Variants in HOMER1 observed in about 807,000 individuals in gnomAD.
HOMER1 encodes homer protein homolog 1.
A neutral mutation model predicts 48.9 loss-of-function variants in HOMER1; 3 were observed. The ratio of observed to expected loss-of-function variants is 0.06; its 90% CI spans 0.03 to 0.16. HOMER1 has a LOEUF of 0.16. Ranked by LOEUF, HOMER1 falls within the 10% of genes least tolerant of loss-of-function variation. The pLI is 1.00. For synonymous variants in HOMER1, 134 were observed against 146.4 expected, an observed-to-expected ratio of 0.92 and a Z score of 0.61; for missense variants, 247 against 411.4, an observed-to-expected ratio of 0.60 and a Z score of 3.46.
At chr5:79,481,631 C>T (rs954313218) in intron 1 of HOMER1, among the ~76,000 whole-genome samples, 1 of 152,180 alleles carries the variant, frequency 6.6e-6, no homozygotes, top group Non-Finnish European at 1.5e-5. Flanking sequence ...TCAGTACATA[C>T]CTTTGTCAAG....
At position 79,513,143 on chromosome 5, in the gene HOMER1, C is replaced by T. The variant is rs368714121; in HGVS notation, c.-369G>A. Reference sequence around the variant, plus strand: ...CATTTCACTCATGTCCTCCTCGACACTCAGGGAGAGCCAGGTAACTCGGCC... The same window carrying T: ...CATTTCACTCATGTCCTCCTCGACATTCAGGGAGAGCCAGGTAACTCGGCC... On this transcript the variant is annotated 5_prime_UTR_variant, in exon 1 of 9. It adds an upstream start codon to the 5' untranslated region. Transcript: ENST00000334082. 3.4e-5 allele frequency: 8 copies of T among 232,934 alleles called. No homozygotes were observed. In the East Asian group the frequency reaches 6.6e-4, roughly 19 times the overall value. 14.4% of individuals were successfully genotyped at this position (232,934 alleles called of 1,614,324 possible). A position where few individuals can be genotyped will look rare whatever the true frequency, so the allele number is the denominator to read the frequency against.
intron 5 of HOMER1, among the ~76,000 whole-genome samples, chr5:79,404,807 G>A (rs142121530): frequency 1.2e-3 from 188 of 151,778 alleles, no homozygotes; most frequent in African/African-American, 4.2e-3. Flanking sequence ...AGGTTCAAGC[G>A]ATTCTCCTGC....
In HOMER1 at chr5:79,373,394, G is replaced by A. The variant is rs1247570689; in HGVS notation, c.*2615C>T. Reference sequence around the variant, plus strand: ...TGGGATCAACCTCCTCCTCCATGTCGCTTCAAGTCCACATGTTCAGGCTAT... The same window carrying A: ...TGGGATCAACCTCCTCCTCCATGTCACTTCAAGTCCACATGTTCAGGCTAT... On this transcript the variant is annotated 3_prime_UTR_variant, in exon 9 of 9. Transcript: ENST00000334082. The A allele has an allele frequency of 6.6e-6, 1 of 150,430 alleles. No homozygotes were observed. The highest frequency in any genetic ancestry group is 1.5e-5 in the Non-Finnish European group (1 of 67,716). 9.3% of individuals were successfully genotyped at this position (150,430 alleles called of 1,614,324 possible). A position where few individuals can be genotyped will look rare whatever the true frequency, so the allele number is the denominator to read the frequency against.
intron 5 of HOMER1, among the ~76,000 whole-genome samples, chr5:79,417,301 T>C (rs932978579): frequency 3.3e-5 from 5 of 152,058 alleles, no homozygotes; most frequent in Non-Finnish European, 4.4e-5. Flanking sequence ...TGCCACCACG[T>C]CCGGCTAATG....
intron 5 of HOMER1, among the ~76,000 whole-genome samples, chr5:79,428,132 T>C (rs1193176729): frequency 2.6e-5 from 4 of 152,312 alleles, no homozygotes; most frequent in East Asian, 1.9e-4. Context: ...CAATTAGCTT[T>C]TAAGAAATAA....
chr5:79,449,071 G>A (rs149173038), intron 3 of HOMER1, among the ~76,000 whole-genome samples: 317 of 152,244 alleles, frequency 2.1e-3, no homozygotes, highest in Non-Finnish European at 3.1e-3. Flanking sequence ...ACATTAGCTA[G>A]CTGCTCAGTA....
At chr5:79,401,341 T>C (rs1242661778) in intron 6 of HOMER1, among the ~76,000 whole-genome samples, 1 of 152,058 alleles carries the variant, frequency 6.6e-6, no homozygotes, top group Non-Finnish European at 1.5e-5. Flanking sequence ...AGAGTACTTA[T>C]TATTCCTATT....
At chr5:79,495,377 G>A (rs1284540605) in intron 1 of HOMER1, among the ~76,000 whole-genome samples, 5 of 152,186 alleles carry the variant, frequency 3.3e-5, no homozygotes, top group African/African-American at 1.2e-4. Flanking sequence ...TTATTTGTTT[G>A]TTAAGGCTCA....
intron 1 of HOMER1, among the ~76,000 whole-genome samples, chr5:79,498,914 C>G (rs1313597753): frequency 2.0e-5 from 3 of 150,526 alleles, no homozygotes; most frequent in Non-Finnish European, 2.9e-5. Context: ...CGGCCCATTG[C>G]AATCTCCACC....
In HOMER1 at chr5:79,397,336, C is replaced by G. The variant is rs572854496; in HGVS notation, c.795+191G>C. Reference sequence around the variant, plus strand: ...GTATCTCGGTCTGACTGCCTCACCACAGTTCATAATAACAGAAATAAGGAT... The same window carrying G: ...GTATCTCGGTCTGACTGCCTCACCAGAGTTCATAATAACAGAAATAAGGAT... On this transcript the variant is annotated intron_variant, in intron 7 of 8. Transcript: ENST00000334082. 2.1e-4 allele frequency among the ~76,000 whole-genome samples: 32 copies of G among 152,076 alleles called. 1 individual carries two copies. Among genetic ancestry groups the G allele is most frequent in the Non-Finnish European group, 5.9e-5 (4 of 68,010 alleles).
At chr5:79,401,831 T>G in intron 6 of HOMER1, 68 bp downstream of exon 6, 1 of 1,473,898 alleles carries the variant, frequency 6.8e-7, no homozygotes. Context: ...TGAATCTACA[T>G]GCAAATTTCT....
chr5:79,457,040 G>C, intron 1 of HOMER1, 22 bp from the exon 2 acceptor site: 1 of 1,612,720 alleles, frequency 6.2e-7, no homozygotes, highest in Non-Finnish European at 8.5e-7. Context: ...AAAAGAAAAT[G>C]ATGGACTGAA....
At chr5:79,483,753 TAAAA>T (rs70975754) in intron 1 of HOMER1, among the ~76,000 whole-genome samples, 2 of 133,878 alleles carry the variant, frequency 1.5e-5, no homozygotes, top group Admixed American at 7.4e-5. Flanking sequence ...ACCGTTTAAG[TAAAA>T]AAAAAAAAAA....
intron 5 of HOMER1, among the ~76,000 whole-genome samples, chr5:79,436,435 C>T (rs1384382777): frequency 6.6e-6 from 1 of 152,218 alleles, no homozygotes; most frequent in Non-Finnish European, 1.5e-5. Flanking sequence ...GAGTTGTAGA[C>T]TCACAGTTGT....
intron 8 of HOMER1, among the ~76,000 whole-genome samples, chr5:79,376,898 T>C (rs928062170): frequency 6.6e-6 from 1 of 152,206 alleles, no homozygotes; most frequent in Admixed American, 6.5e-5. Context: ...AAATGATTTG[T>C]TTTTGACAGA....
intron 2 of HOMER1, among the ~76,000 whole-genome samples, chr5:79,452,255 G>C (rs1751049874): frequency 6.6e-6 from 1 of 152,188 alleles, no homozygotes; most frequent in African/African-American, 2.4e-5. Context: ...TCATGATATT[G>C]AGAATTGCTA....
intron 5 of HOMER1, among the ~76,000 whole-genome samples, chr5:79,422,558 T>C (rs1750129702): frequency 6.6e-6 from 1 of 151,800 alleles, no homozygotes; most frequent in Admixed American, 6.6e-5. Flanking sequence ...TTTGGATTTT[T>C]CTTCCTGAAA....
intron 1 of HOMER1, among the ~76,000 whole-genome samples, chr5:79,478,677 C>A (rs564741782): frequency 6.6e-6 from 1 of 152,008 alleles, no homozygotes; most frequent in South Asian, 2.1e-4. Flanking sequence ...ATAGGCCAGG[C>A]GCAATGGCTC....
At chr5:79,399,190 A>G (rs1317077564) in intron 6 of HOMER1, among the ~76,000 whole-genome samples, 1 of 152,212 alleles carries the variant, frequency 6.6e-6, no homozygotes, top group African/African-American at 2.4e-5. Context: ...GGACCTGGTG[A>G]GTAACCAAAT....
Sources: allele counts gnomAD v4.1 joint callset (sites outside exome capture counted in the v4.1 genomes callset), GRCh38; gene constraint gnomAD v4.1.1; transcripts MANE v1.5; gene names NCBI Gene and HGNC (gene_info 2026-07-23, HGNC 2026-07-21).